The following SCAMP1 variants were observed in gnomAD, a reference collection of about 807,000 sequenced individuals.
SCAMP1 encodes secretory carrier-associated membrane protein 1.
A neutral mutation model predicts 41.8 loss-of-function variants in SCAMP1; 15 were observed. The observed-to-expected ratio is 0.36, with a 90% confidence interval of 0.24 to 0.55. SCAMP1 has a LOEUF of 0.55. Among genes scored for constraint, SCAMP1 ranks in the 20% least tolerant of loss-of-function variants. SCAMP1 has a pLI of 0.86. For synonymous variants in SCAMP1, 135 were observed against 136.8 expected (o/e 0.99, Z 0.09); for missense variants, 341 against 412.6 (o/e 0.83, Z 1.50).
At chr5:78,392,828 T>C (rs1280999917) in intron 2 of SCAMP1, among the ~76,000 whole-genome samples, 1 of 152,222 alleles carries the variant, frequency 6.6e-6, no homozygotes, top group East Asian at 1.9e-4. Flanking sequence ...CTGTGATTAT[T>C]TTCCAAAGAG....
chr5:78,363,845 A>G (rs990836774), intron 1 of SCAMP1, among the ~76,000 whole-genome samples: 1 of 152,026 alleles, frequency 6.6e-6, no homozygotes, highest in East Asian at 1.9e-4. Context: ...TTTATATTCT[A>G]GTGGTTTTCC....
intron 6 of SCAMP1, among the ~76,000 whole-genome samples, chr5:78,425,367 A>G (rs1005462152): frequency 2.0e-5 from 3 of 152,190 alleles, no homozygotes; most frequent in Non-Finnish European, 4.4e-5. Context: ...AAGCACTGGT[A>G]TGTTTCCATT....
At chr5:78,372,964 T>C (rs1435399488) in intron 1 of SCAMP1, among the ~76,000 whole-genome samples, 1 of 152,084 alleles carries the variant, frequency 6.6e-6, no homozygotes, top group Non-Finnish European at 1.5e-5. Flanking sequence ...CTCCTGGAAC[T>C]ATTAATATAA....
rs1427179967 is a variant in SCAMP1, at chr5:78,480,423, C to T, written c.*4755C>T. ...ACTTAAATGTAATTCTAGAATTCCT[C>T]CACAACTTTTAATATTTTGTATGCC... On this transcript the variant is annotated 3_prime_UTR_variant, in exon 9 of 9. Coordinates refer to ENST00000621999, the MANE Select transcript of SCAMP1 (RefSeq NM_004866.6). 6.6e-6 allele frequency among the ~76,000 whole-genome samples: 1 copy of T among 152,158 alleles called. No individual in the cohort carries two copies. The highest frequency in any genetic ancestry group is 1.5e-5 in the Non-Finnish European group (1 of 68,028).
intron 1 of SCAMP1, among the ~76,000 whole-genome samples, chr5:78,376,733 C>T (rs762885341): frequency 2.6e-5 from 4 of 152,110 alleles, no homozygotes; most frequent in East Asian, 1.9e-4. Context: ...GGCATGGGGT[C>T]GGAGGATAGG....
chr5:78,420,746 T>TA (rs1489372461), intron 5 of SCAMP1, among the ~76,000 whole-genome samples: 1 of 152,184 alleles, frequency 6.6e-6, no homozygotes, highest in Non-Finnish European at 1.5e-5. Context: ...CTTGTTTACT[T>TA]ATCTGGTGGG....
intron 8 of SCAMP1, among the ~76,000 whole-genome samples, chr5:78,466,809 G>A (rs1191076342): frequency 6.6e-6 from 1 of 152,110 alleles, no homozygotes; most frequent in Non-Finnish European, 1.5e-5. Context: ...CCGAGCAGTC[G>A]TACTTGGAAA....
chr5:78,462,247 G>A (rs760425916), intron 8 of SCAMP1, among the ~76,000 whole-genome samples: 2 of 150,718 alleles, frequency 1.3e-5, no homozygotes, highest in Non-Finnish European at 3.0e-5. Context: ...AATGGGATTG[G>A]GTTCTTTATT....
chr5:78,461,558 A>G (rs1753614792), intron 8 of SCAMP1, among the ~76,000 whole-genome samples: 1 of 151,924 alleles, frequency 6.6e-6, no homozygotes, highest in Non-Finnish European at 1.5e-5. Flanking sequence ...CTGCTTGCTT[A>G]CCATAGTCTT....
chr5:78,432,676 G>A (rs1752652601), intron 6 of SCAMP1, among the ~76,000 whole-genome samples: 2 of 151,828 alleles, frequency 1.3e-5, no homozygotes, highest in Non-Finnish European at 2.9e-5. Context: ...AATATGATGT[G>A]TTAAAGTACG....
At chr5:78,456,635 A>G (rs1753412022) in intron 7 of SCAMP1, among the ~76,000 whole-genome samples, 2 of 149,038 alleles carry the variant, frequency 1.3e-5, no homozygotes, top group African/African-American at 2.5e-5. Flanking sequence ...CTTCATTTCA[A>G]CTTTGGTGAA....
intron 6 of SCAMP1, among the ~76,000 whole-genome samples, chr5:78,443,888 C>T (rs755231803): frequency 1.8e-4 from 27 of 151,990 alleles, no homozygotes; most frequent in Non-Finnish European, 2.1e-4. Flanking sequence ...AACTCCTGAG[C>T]TCAAGCGAAC....
chr5:78,403,476 C>G (rs1349045044), intron 2 of SCAMP1, among the ~76,000 whole-genome samples: 1 of 117,966 alleles, frequency 8.5e-6, no homozygotes, highest in Admixed American at 7.9e-5. Context: ...TTATTTTGAA[C>G]CAACTGTTTT....
intron 2 of SCAMP1, among the ~76,000 whole-genome samples, chr5:78,407,307 G>C (rs1751958005): frequency 6.6e-6 from 1 of 152,028 alleles, no homozygotes; most frequent in Non-Finnish European, 1.5e-5. Context: ...TCAAACAGCT[G>C]ATCTGACTGG....
chr5:78,471,180 A>G (rs752491865), intron 8 of SCAMP1, among the ~76,000 whole-genome samples: 9 of 152,202 alleles, frequency 5.9e-5, no homozygotes, highest in Non-Finnish European at 1.3e-4. Flanking sequence ...AAGTACATAC[A>G]TGCTCCCCAA....
At chr5:78,460,742 CTCCTTCCTTCCTTCCTTCCTTCCTTCCT>C (rs1188221227) in intron 8 of SCAMP1, among the ~76,000 whole-genome samples, 5 of 85,016 alleles carry the variant, frequency 5.9e-5, no homozygotes, top group South Asian at 8.5e-4. Context: ...GGTTTCTTTT[CTCCTTCCTTCCTTCCTTCCTTCCTTCCT>C]TCCTTCCTTC....
chr5:78,470,530 T>C (rs569205517), intron 8 of SCAMP1, among the ~76,000 whole-genome samples: 4 of 152,208 alleles, frequency 2.6e-5, no homozygotes, highest in Non-Finnish European at 5.9e-5. Context: ...AATATTCCAT[T>C]GTATCTGTAT....
intron 8 of SCAMP1, among the ~76,000 whole-genome samples, chr5:78,469,850 GC>G (rs1753830150): frequency 7.4e-6 from 1 of 134,362 alleles, no homozygotes; most frequent in Admixed American, 8.4e-5. Context: ...ATCAGCCTGG[GC>G]AACATAATGA....
At chr5:78,456,415 A>G (rs1753403000) in intron 7 of SCAMP1, among the ~76,000 whole-genome samples, 1 of 152,036 alleles carries the variant, frequency 6.6e-6, no homozygotes, top group African/African-American at 2.4e-5. Context: ...GCTTGTTTGT[A>G]AAGTATTTTA....
Sources: gnomAD v4.1 joint callset for allele counts (sites outside exome capture counted in the v4.1 genomes callset) on GRCh38, gnomAD v4.1.1 for gene constraint, MANE v1.5 for transcripts, NCBI Gene and HGNC (gene_info 2026-07-23, HGNC 2026-07-21) for gene names.